The following LEPROTL1 variants were observed in gnomAD, a reference collection of about 807,000 sequenced individuals.
The protein encoded by LEPROTL1 is leptin receptor overlapping transcript-like 1.
Under a neutral mutation model 15.4 loss-of-function variants are expected in LEPROTL1, and 6 were observed. That is an observed-to-expected ratio of 0.39 (90% CI 0.21 to 0.77). The LOEUF (loss-of-function observed/expected upper bound fraction) is 0.77. Among genes scored for constraint, LEPROTL1 ranks in the 30% least tolerant of loss-of-function variants. LEPROTL1 has a pLI of 0.41. For synonymous variants in LEPROTL1, 56 were observed against 52.6 expected (o/e 1.06, Z -0.28); for missense variants, 128 against 158.1 (o/e 0.81, Z 1.02).
At chr8:30,120,616 C>T (rs899212952) in intron 3 of LEPROTL1, among the ~76,000 whole-genome samples, 11 of 152,018 alleles carry the variant, frequency 7.2e-5, no homozygotes, top group Non-Finnish European at 1.6e-4. Context: ...CTGCAACCTT[C>T]GCCTCTCCGG....
At chr8:30,109,404 A>G (rs1386637241), downstream of LEPROTL1, among the ~76,000 whole-genome samples, 1 of 152,206 alleles carries the variant, frequency 6.6e-6, no homozygotes, top group Non-Finnish European at 1.5e-5. Context: ...AATATTTTAG[A>G]TCAATGAAGC....
intron 4 of LEPROTL1, among the ~76,000 whole-genome samples, chr8:30,136,506 C>G (rs1347410229): frequency 6.6e-6 from 1 of 152,162 alleles, no homozygotes; most frequent in South Asian, 2.1e-4. Flanking sequence ...CAGCCCTGCC[C>G]GACTAGCAGA....
chr8:30,121,547 C>T (rs934594317), intron 3 of LEPROTL1, among the ~76,000 whole-genome samples: 20 of 152,172 alleles, frequency 1.3e-4, no homozygotes, highest in Non-Finnish European at 2.9e-4. Context: ...AGCCATCACG[C>T]CCAGCCTAGA....
chr8:30,095,416 G>T lies in LEPROTL1; in HGVS notation c.-97G>T. 7.9e-7 allele frequency: 1 copy of T among 1,263,202 alleles called. No individual in the cohort carries two copies. Among genetic ancestry groups the T allele is most frequent in the Non-Finnish European group, 1.1e-6 (1 of 942,622 alleles). 78.2% of individuals were successfully genotyped at this position (1,263,202 alleles called of 1,614,324 possible). Reference sequence around the variant, plus strand: ...CGGAAGTGCTGCGTCGCGCACTTCCGGGTGTTGTCTGGCCGCCGTAGCGCG... The same window carrying T: ...CGGAAGTGCTGCGTCGCGCACTTCCTGGTGTTGTCTGGCCGCCGTAGCGCG... On this transcript the variant is annotated 5_prime_UTR_variant, in exon 1 of 4. Coordinates refer to ENST00000321250, the MANE Select transcript of LEPROTL1 (RefSeq NM_015344.3).
At chr8:30,116,739 C>T (rs1802746817) in intron 3 of LEPROTL1, among the ~76,000 whole-genome samples, 1 of 152,156 alleles carries the variant, frequency 6.6e-6, no homozygotes, top group African/African-American at 2.4e-5. Flanking sequence ...AAAGCACTTT[C>T]CTGTGTTCTA....
rs776519623 is a variant in LEPROTL1, at chr8:30,107,074, A to G, written c.*1212A>G. The G allele has an allele frequency of 5.1e-6, 5 of 975,474 alleles. No individual in the cohort carries two copies. Among genetic ancestry groups the G allele is most frequent in the Non-Finnish European group, 6.1e-6 (5 of 820,908 alleles). 60.4% of individuals were successfully genotyped at this position (975,474 alleles called of 1,614,324 possible). On this transcript the variant is annotated 3_prime_UTR_variant, in exon 4 of 4. Coordinates refer to ENST00000321250, the MANE Select transcript of LEPROTL1 (RefSeq NM_015344.3). ...AGTTCTTATTCTCTAAGGTTATATC[A>G]TATGTAATTTAAAAGTATTTTTAAG...
chr8:30,117,883 C>A, intron 3 of LEPROTL1: 1 of 586,402 alleles, frequency 1.7e-6, no homozygotes, highest in Non-Finnish European at 3.0e-6. Context: ...TCAACTGTGA[C>A]TGTATTAGGT....
intron 3 of LEPROTL1, among the ~76,000 whole-genome samples, chr8:30,117,001 A>G (rs374798467): frequency 3.5e-4 from 53 of 152,196 alleles, no homozygotes; most frequent in Admixed American, 3.4e-3. Context: ...TGGGGGAGAA[A>G]AAAAACCATA....
chr8:30,132,576 C>T (rs147722231), intron 4 of LEPROTL1: 8 of 1,551,780 alleles, frequency 5.2e-6, no homozygotes, highest in Non-Finnish European at 7.0e-6. Flanking sequence ...CTGCATCCAC[C>T]ACCCTGCTCA....
chr8:30,134,669 TC>T (rs1803101014), intron 4 of LEPROTL1, among the ~76,000 whole-genome samples: 2 of 150,974 alleles, frequency 1.3e-5, no homozygotes. Context: ...TGCTTCAGCA[TC>T]CTGAGTAGCT....
downstream of LEPROTL1, chr8:30,137,781 C>A (rs1803180650): frequency 4.8e-6 from 2 of 415,344 alleles, no homozygotes; most frequent in South Asian, 6.4e-5. Flanking sequence ...CCCCTTCTTG[C>A]CTGGAAACTA....
intron 2 of LEPROTL1, among the ~76,000 whole-genome samples, chr8:30,102,853 G>C (rs971292409): frequency 6.6e-6 from 1 of 152,100 alleles, no homozygotes; most frequent in African/African-American, 2.4e-5. Flanking sequence ...AAAGACAAGA[G>C]ACAGGGCAAG....
intron 2 of LEPROTL1, among the ~76,000 whole-genome samples, chr8:30,102,543 T>A (rs1285900720): frequency 6.6e-6 from 1 of 151,516 alleles, no homozygotes; most frequent in East Asian, 1.9e-4. Flanking sequence ...TCCCAGGTAC[T>A]CGGGAGGCTG....
chr8:30,104,752 G>A (rs569822965), intron 3 of LEPROTL1: 212 of 213,412 alleles, frequency 9.9e-4, no homozygotes, highest in Non-Finnish European at 1.5e-3. Context: ...TTGCTCTGTC[G>A]CCCAGCCTGG....
At chr8:30,113,289 A>G (rs1315647827), downstream of LEPROTL1, among the ~76,000 whole-genome samples, 2 of 152,112 alleles carry the variant, frequency 1.3e-5, no homozygotes, top group Admixed American at 1.3e-4. Flanking sequence ...CAAAACAAAC[A>G]AAGAACAGAG....
At position 30,123,598 on chromosome 8, in the gene LEPROTL1, C is replaced by T. The variant is rs148879430; in HGVS notation, c.280-8777C>T. On this transcript the variant is annotated intron_variant, in intron 3 of 4. Transcript: ENST00000442880. ...ATACTAGCATTCCTCTGTTTCGCTCCGTCTCTCTCTCACTCACACACACAT... is the reference window on the plus strand; with the variant it reads ...ATACTAGCATTCCTCTGTTTCGCTCTGTCTCTCTCTCACTCACACACACAT... Among the ~76,000 whole-genome samples, 11 of 152,228 alleles carry T rather than the reference C, an allele frequency of 7.2e-5. No individual in the cohort carries two copies. The East Asian group carries it at 9.6e-4, about 13-fold the overall frequency.
intron 1 of LEPROTL1, among the ~76,000 whole-genome samples, chr8:30,100,695 C>T (rs148530145): frequency 0.013 from 2,027 of 152,306 alleles, 48 homozygotes; most frequent in East Asian, 0.074. Context: ...ATGATCCGCC[C>T]GCCTTGGCCT....
At position 30,107,368 on chromosome 8, in the gene LEPROTL1, A is replaced by C. The variant is rs945857027; in HGVS notation, c.*1506A>C. On this transcript the variant is annotated 3_prime_UTR_variant, in exon 4 of 4. Transcript: ENST00000321250. ...AAGTTGGTCTGACAGTATTTTGTTA[A>C]GGATATTTGTTTGTATGTTTATTCA... 4 of 985,766 alleles carry C rather than the reference A, an allele frequency of 4.1e-6. No homozygotes were observed. Among genetic ancestry groups the C allele is most frequent in the Non-Finnish European group, 4.8e-6 (4 of 829,824 alleles). The allele number at this position is 985,766 out of a possible 1,614,324, so 61.1% of individuals were successfully genotyped here. A position where few individuals can be genotyped will look rare whatever the true frequency, so the allele number is the denominator to read the frequency against.
At chr8:30,120,086 TAAA>T (rs200899908) in intron 3 of LEPROTL1, among the ~76,000 whole-genome samples, 1 of 13,488 alleles carries the variant, frequency 7.4e-5, no homozygotes, top group Non-Finnish European at 8.1e-4. Context: ...AATAAATAAA[TAAA>T]TAAATAAATA....
Sources: allele counts gnomAD v4.1 joint callset (sites outside exome capture counted in the v4.1 genomes callset), GRCh38; gene constraint gnomAD v4.1.1; transcripts MANE v1.5; gene names NCBI Gene and HGNC (gene_info 2026-07-23, HGNC 2026-07-21).